The following ZNF461 variants were observed in gnomAD, a reference collection of about 807,000 sequenced individuals.
ZNF461 encodes the protein zinc finger protein 461.
ZNF461 carries 16 observed loss-of-function variants against 18.3 expected under a neutral mutation model. The ratio of observed to expected loss-of-function variants is 0.88; its 90% CI spans 0.59 to 1.33. The LOEUF (loss-of-function observed/expected upper bound fraction) is 1.33, where lower values mean the gene tolerates loss of function less well. ZNF461 is among the 40% of genes most tolerant of loss of function. ZNF461 has a pLI of 0.00. For missense variants in ZNF461, 595 were observed against 669.9 expected, an observed-to-expected ratio of 0.89 and a Z score of 1.23; for synonymous variants, 179 against 216.9, an observed-to-expected ratio of 0.83 and a Z score of 1.54.
chr19:36,658,120 T>G (rs2037755544), intron 3 of ZNF461, 179 bp downstream of exon 3: 1 of 605,668 alleles, frequency 1.7e-6, no homozygotes, highest in Admixed American at 3.3e-5. Flanking sequence ...ATGGGGAAAA[T>G]GAAAATGTAC....
chr19:36,662,516 A>C (rs1400559781), intron 2 of ZNF461, among the ~76,000 whole-genome samples: 1 of 151,880 alleles, frequency 6.6e-6, no homozygotes. Flanking sequence ...CAGCCTCCCA[A>C]AGTGCTGGGA....
intron 4 of ZNF461, among the ~76,000 whole-genome samples, chr19:36,648,024 A>G (rs995741669): frequency 1.3e-5 from 2 of 152,024 alleles, no homozygotes; most frequent in Non-Finnish European, 2.9e-5. Context: ...TCTACTAAAA[A>G]TACAAAATTA....
At chr19:36,663,820 G>A (rs191577561) in intron 2 of ZNF461, among the ~76,000 whole-genome samples, 8 of 152,100 alleles carry the variant, frequency 5.3e-5, no homozygotes, top group Admixed American at 2.0e-4. Flanking sequence ...GTGAGTCACC[G>A]TGCCTGGCTT....
chr19:36,656,399 G>A (rs377485314), intron 4 of ZNF461, 49 bp downstream of exon 4: 4 of 1,482,770 alleles, frequency 2.7e-6, no homozygotes, highest in East Asian at 4.5e-5. Flanking sequence ...CCAACATTCT[G>A]ACCAGCTGGC....
At position 36,647,775 on chromosome 19, in the gene ZNF461, G is replaced by C. The variant is rs1168916600; in HGVS notation, c.233-3913C>G. On this transcript the variant is annotated intron_variant, in intron 4 of 5. Coordinates refer to ENST00000588268, the MANE Select transcript of ZNF461 (RefSeq NM_153257.5). ...TTGTAATCCCCAGTGTTGGAGGTGGGGCCTAGTGGGAAGTAACTGGATTAT... is the reference window on the plus strand; with the variant it reads ...TTGTAATCCCCAGTGTTGGAGGTGGCGCCTAGTGGGAAGTAACTGGATTAT... 2.0e-5 allele frequency among the ~76,000 whole-genome samples: 3 copies of C among 152,142 alleles called. No individual in the cohort carries two copies. The East Asian group carries it at 5.8e-4, about 29-fold the overall frequency.
chr19:36,653,249 A>G (rs923305560), intron 4 of ZNF461, among the ~76,000 whole-genome samples: 4 of 152,204 alleles, frequency 2.6e-5, no homozygotes, highest in African/African-American at 9.6e-5. Context: ...TTTATCATAA[A>G]CAAATGAAGA....
chr19:36,666,361 T>G (rs999966544), intron 1 of ZNF461, among the ~76,000 whole-genome samples: 3 of 152,106 alleles, frequency 2.0e-5, no homozygotes, highest in African/African-American at 4.8e-5. Flanking sequence ...CCCAAAATGC[T>G]GGGATTACAG....
At chr19:36,666,165 G>A (rs1288686635) in intron 1 of ZNF461, among the ~76,000 whole-genome samples, 1 of 151,652 alleles carries the variant, frequency 6.6e-6, no homozygotes, top group East Asian at 1.9e-4. Context: ...CGCGATCTCG[G>A]CTCACAGCAA....
chr19:36,664,713 T>C lies in ZNF461; in HGVS notation c.-7A>G, dbSNP rs1451476458. The C allele has an allele frequency of 2.0e-6, 3 of 1,502,326 alleles. No homozygotes were observed. The highest frequency in any genetic ancestry group is 2.5e-5 in the East Asian group (1 of 39,610). 93.1% of individuals were successfully genotyped at this position (1,502,326 alleles called of 1,614,324 possible). On this transcript the variant is annotated 5_prime_UTR_variant, in exon 2 of 6. Transcript: ENST00000588268. ...ACCAACTTACATGGGCCATGTCTTA[T>C]TTTAGAATTGAATGTATTATTTAAT...
intron 1 of ZNF461, 97 bp from the exon 2 acceptor site, chr19:36,664,883 C>T (rs1600452027): frequency 2.2e-6 from 1 of 447,210 alleles, no homozygotes; most frequent in Non-Finnish European, 4.0e-6. Flanking sequence ...CCCTTCATAT[C>T]TCCTATTCCC....
At position 36,658,376 on chromosome 19, in the gene ZNF461, C is replaced by T. The variant is rs760289180; in HGVS notation, c.59G>A (p.Trp20Ter). 1.6e-5 allele frequency: 26 copies of T among 1,611,494 alleles called. No homozygotes were observed. Among genetic ancestry groups the T allele is most frequent in the Non-Finnish European group, 2.1e-5 (25 of 1,178,648 alleles). Residue 20 changes from tryptophan (W) to a stop codon, truncating the protein, a stop_gained, in exon 3 of 6, where the codon TGG (tryptophan) becomes TAG (stop). Coordinates refer to ENST00000588268, the MANE Select transcript of ZNF461 (RefSeq NM_153257.5). LOFTEE classifies it high-confidence loss of function. ...CCTCTGCGCTGGGTTCAGGCATTCC[C>T]ATTCCTCCTGAGAGACATCTATAGC... The part of the protein sequence containing the change: ...DVAIDVSQEE[W>*]ECLNPAQRNL...
At position 36,639,424 on chromosome 19, in the gene ZNF461, C is replaced by T. The variant is rs60794053; in HGVS notation, c.921G>A (p.Gly307=). The change falls in exon 6 of 6, where the codon GGG becomes GGA. Residue 307 remains glycine, a synonymous_variant. Transcript: ENST00000588268. ...GEKPYECKEC[G]KAFRQRSQLT... is the part of the protein sequence containing the mutation. ...GCTGTGATCGCTGTCTAAAGGCCTT[C>T]CCACATTCTTTACATTCATAAGGTT... 3,078 of 1,613,928 alleles carry T rather than the reference C, an allele frequency of 1.9e-3. 58 individuals are homozygous for T. The African/African-American group carries it at 0.034, about 18-fold the overall frequency.
At chr19:36,654,119 T>C (rs2037676042) in intron 4 of ZNF461, among the ~76,000 whole-genome samples, 1 of 152,168 alleles carries the variant, frequency 6.6e-6, no homozygotes, top group Non-Finnish European at 1.5e-5. Context: ...TTGCAACCTC[T>C]TGTGAATCCA....
chr19:36,653,221 C>A (rs2037659275), intron 4 of ZNF461, among the ~76,000 whole-genome samples: 1 of 152,018 alleles, frequency 6.6e-6, no homozygotes, highest in Admixed American at 6.5e-5. Flanking sequence ...CACCACCCAG[C>A]AACTACACTC....
At chr19:36,643,962 C>T (rs62112477) in intron 4 of ZNF461, 100 bp from the exon 5 acceptor site, 208,340 of 1,024,720 alleles carry the variant, frequency 0.2, 22,297 homozygotes, top group Non-Finnish European at 0.22. Flanking sequence ...GACAGAGTTT[C>T]GCTCTTGTTG....
At chr19:36,653,556 T>C (rs1486553333) in intron 4 of ZNF461, among the ~76,000 whole-genome samples, 2 of 152,104 alleles carry the variant, frequency 1.3e-5, no homozygotes, top group Non-Finnish European at 2.9e-5. Flanking sequence ...CTCACAATCA[T>C]GGCAGAAGGC....
chr19:36,665,812 G>A (rs1021697225), intron 1 of ZNF461, among the ~76,000 whole-genome samples: 2 of 151,614 alleles, frequency 1.3e-5, no homozygotes, highest in African/African-American at 4.8e-5. Flanking sequence ...CTACATATGT[G>A]GTGTTTTTCT....
intron 4 of ZNF461, among the ~76,000 whole-genome samples, chr19:36,655,818 C>G (rs954586658): frequency 1.3e-5 from 2 of 152,048 alleles, no homozygotes; most frequent in Admixed American, 1.3e-4. Flanking sequence ...ACATTTAGGT[C>G]TTTGATCCAT....
chr19:36,638,451 T>G lies in ZNF461; in HGVS notation c.*202A>C. 2.5e-6 allele frequency: 1 copy of G among 397,546 alleles called. No individual in the cohort carries two copies. Among genetic ancestry groups the G allele is most frequent in the Non-Finnish European group, 4.4e-6 (1 of 226,576 alleles). 24.6% of individuals were successfully genotyped at this position (397,546 alleles called of 1,614,324 possible). On this transcript the variant is annotated 3_prime_UTR_variant, in exon 6 of 6. Transcript: ENST00000588268. The stretch of plus-strand genomic sequence containing the variant: ...GAAAATTTATTCTCAATAAAAAAAT[T>G]TATTCTCAATAATGGTTAATACAAT...
Sources: gnomAD v4.1 joint callset for allele counts (sites outside exome capture counted in the v4.1 genomes callset) on GRCh38, gnomAD v4.1.1 for gene constraint, MANE v1.5 for transcripts, NCBI Gene and HGNC (gene_info 2026-07-23, HGNC 2026-07-21) for gene names.